The following CDC42BPA variants were observed in gnomAD, a reference collection of about 807,000 sequenced individuals.
CDC42BPA encodes serine/threonine-protein kinase MRCK alpha.
A neutral mutation model predicts 223.5 loss-of-function variants in CDC42BPA; 80 were observed. The ratio of observed to expected loss-of-function variants is 0.36; its 90% CI spans 0.30 to 0.43. The LOEUF (loss-of-function observed/expected upper bound fraction) is 0.43. CDC42BPA is among the 20% of genes least tolerant of loss of function. The probability of loss-of-function intolerance (pLI) is 1.00; values close to 1 mark genes in which losing one functional copy is unlikely to be tolerated. For synonymous variants in CDC42BPA, 694 were observed against 718.6 expected, an observed-to-expected ratio of 0.97 and a Z score of 0.55; for missense variants, 1,743 against 2,099.9, an observed-to-expected ratio of 0.83 and a Z score of 3.32.
chr1:227,218,132 A>T (rs2670452), intron 2 of CDC42BPA, among the ~76,000 whole-genome samples: 3 of 152,010 alleles, frequency 2.0e-5, no homozygotes, highest in African/African-American at 7.3e-5. Flanking sequence ...CAAAGTTTAC[A>T]GCATCAATAT....
chr1:227,042,461 T>C (rs1431611109), intron 23 of CDC42BPA, among the ~76,000 whole-genome samples: 3 of 152,120 alleles, frequency 2.0e-5, no homozygotes, highest in Admixed American at 1.3e-4. Context: ...GGTTAAATTA[T>C]AGGAGAGGTT....
At chr1:227,173,560 G>A (rs1572134764) in intron 5 of CDC42BPA, among the ~76,000 whole-genome samples, 1 of 151,874 alleles carries the variant, frequency 6.6e-6, no homozygotes, top group African/African-American at 2.4e-5. Flanking sequence ...CACACAGGCA[G>A]TAAGTAATTG....
intron 10 of CDC42BPA, among the ~76,000 whole-genome samples, chr1:227,130,877 A>G (rs973059052): frequency 6.6e-6 from 1 of 151,934 alleles, no homozygotes; most frequent in Non-Finnish European, 1.5e-5. Context: ...CAAACAAAAG[A>G]CCAAAGAATA....
At chr1:227,160,700 T>C (rs1663717726) in intron 5 of CDC42BPA, 64 bp from the exon 6 acceptor site, 2 of 917,636 alleles carry the variant, frequency 2.2e-6, no homozygotes. Context: ...TGGTAAGATA[T>C]TCTTTTTGTC....
chr1:227,181,584 T>G (rs1242811631), intron 5 of CDC42BPA, among the ~76,000 whole-genome samples: 1 of 152,196 alleles, frequency 6.6e-6, no homozygotes, highest in African/African-American at 2.4e-5. Context: ...TTTTTGCAGC[T>G]TTTTGTTTTA....
chr1:227,160,706 T>C, intron 5 of CDC42BPA, 70 bp from the exon 6 acceptor site: 1 of 864,818 alleles, frequency 1.2e-6, no homozygotes. Flanking sequence ...GATATTCTTT[T>C]TGTCAGAAAA....
intron 3 of CDC42BPA, among the ~76,000 whole-genome samples, chr1:227,201,817 G>A (rs139302116): frequency 6.8e-5 from 10 of 147,704 alleles, no homozygotes; most frequent in Admixed American, 3.4e-4. Flanking sequence ...ACATCCTTCC[G>A]TATCAGTACA....
intron 5 of CDC42BPA, among the ~76,000 whole-genome samples, chr1:227,164,729 C>T (rs974885753): frequency 4.6e-5 from 7 of 152,292 alleles, no homozygotes; most frequent in Middle Eastern, 3.4e-3. Flanking sequence ...CACACACACA[C>T]CCCTAACTAA....
At chr1:227,162,376 C>T (rs1025928459) in intron 5 of CDC42BPA, among the ~76,000 whole-genome samples, 4 of 152,182 alleles carry the variant, frequency 2.6e-5, no homozygotes, top group African/African-American at 9.7e-5. Flanking sequence ...CCAGACATAG[C>T]TACTATCCTA....
At chr1:227,096,062 C>A (rs535839287) in intron 15 of CDC42BPA, among the ~76,000 whole-genome samples, 1 of 152,054 alleles carries the variant, frequency 6.6e-6, no homozygotes. Context: ...AATGGTTGAT[C>A]TTAAAAGTGT....
chr1:227,269,725 C>A (rs1685653381), intron 1 of CDC42BPA, among the ~76,000 whole-genome samples: 2 of 151,722 alleles, frequency 1.3e-5, no homozygotes, highest in Non-Finnish European at 2.9e-5. Flanking sequence ...CAAAAGAAAA[C>A]CATATGGAAA....
At chr1:227,100,253 G>A (rs1572807689) in intron 15 of CDC42BPA, among the ~76,000 whole-genome samples, 2 of 152,034 alleles carry the variant, frequency 1.3e-5, no homozygotes, top group Admixed American at 1.3e-4. Context: ...CTCATCTCTC[G>A]CAGCTGGATT....
intron 3 of CDC42BPA, among the ~76,000 whole-genome samples, chr1:227,204,923 A>G (rs934812360): frequency 2.7e-5 from 4 of 150,394 alleles, no homozygotes; most frequent in Non-Finnish European, 4.5e-5. Flanking sequence ...GAAACAATCT[A>G]AATTCCCATA....
intron 1 of CDC42BPA, among the ~76,000 whole-genome samples, chr1:227,257,878 A>T (rs1398338838): frequency 6.6e-6 from 1 of 151,096 alleles, no homozygotes; most frequent in Non-Finnish European, 1.5e-5. Context: ...ACCTACTAGA[A>T]CTAAAAATGG....
intron 14 of CDC42BPA, among the ~76,000 whole-genome samples, chr1:227,102,571 T>C (rs1685229372): frequency 6.6e-6 from 1 of 152,134 alleles, no homozygotes; most frequent in African/African-American, 2.4e-5. Context: ...CAGCAGCATG[T>C]ACAGTAAGTT....
chr1:227,022,478 T>A (rs1667560830), intron 32 of CDC42BPA, among the ~76,000 whole-genome samples: 1 of 152,098 alleles, frequency 6.6e-6, no homozygotes, highest in Admixed American at 6.5e-5. Context: ...TGTAAATACA[T>A]CCTCGCTAAC....
intron 17 of CDC42BPA, among the ~76,000 whole-genome samples, chr1:227,076,458 C>T (rs569593613): frequency 1.3e-5 from 2 of 152,104 alleles, no homozygotes; most frequent in African/African-American, 2.4e-5. Flanking sequence ...GGCTTAGCCA[C>T]GTTGGCCAGG....
chr1:227,175,538 A>G (rs1264448621), intron 5 of CDC42BPA, among the ~76,000 whole-genome samples: 1 of 152,174 alleles, frequency 6.6e-6, no homozygotes, highest in Non-Finnish European at 1.5e-5. Flanking sequence ...TGTACTGTTC[A>G]TATTTTCAGT....
Position 227,318,012 on chromosome 1 carries a change from A to C in CDC42BPA, c.-830T>G, listed in dbSNP as rs6675408. Reference sequence around the variant, plus strand: ...CGGCACTGGCACCGGGCTCCGGAGAAGCGGCTACTTGGCCGCCCGAGCCCA... The same window carrying C: ...CGGCACTGGCACCGGGCTCCGGAGACGCGGCTACTTGGCCGCCCGAGCCCA... On this transcript the variant is annotated 5_prime_UTR_variant, in exon 1 of 37. Coordinates refer to ENST00000366766, the MANE Select transcript of CDC42BPA (RefSeq NM_001394014.1). 0.13 allele frequency: 48,004 copies of C among 376,276 alleles called. 3,593 individuals are homozygous for C. Among genetic ancestry groups the C allele is most frequent in the South Asian group, 0.2 (1,461 of 7,132 alleles). 23.3% of individuals were successfully genotyped at this position (376,276 alleles called of 1,614,324 possible). A position where few individuals can be genotyped will look rare whatever the true frequency, so the allele number is the denominator to read the frequency against.
Sources: gnomAD v4.1 joint callset for allele counts (sites outside exome capture counted in the v4.1 genomes callset) on GRCh38, gnomAD v4.1.1 for gene constraint, MANE v1.5 for transcripts, NCBI Gene and HGNC (gene_info 2026-07-23, HGNC 2026-07-21) for gene names.